The following NRG3 variants were observed in gnomAD, a reference collection of about 807,000 sequenced individuals.
NRG3 encodes neuregulin 3, also known as pro-neuregulin-3, membrane-bound isoform.
Under a neutral mutation model 66.9 loss-of-function variants are expected in NRG3, and 31 were observed. That is an observed-to-expected ratio of 0.46 (90% confidence interval 0.35 to 0.63). NRG3 has a LOEUF of 0.63. NRG3 is among the 20% of genes least tolerant of loss of function. The probability of loss-of-function intolerance (pLI) is 0.00; values close to 1 mark genes in which losing one functional copy is unlikely to be tolerated. For synonymous variants in NRG3, 393 were observed against 359.4 expected, an observed-to-expected ratio of 1.09 and a Z score of -1.06; for missense variants, 910 against 878.9, an observed-to-expected ratio of 1.04 and a Z score of -0.45.
In NRG3 at chr10:82,978,238, G is replaced by C. The variant is rs548072619; in HGVS notation, c.1413-712G>C. Among the ~76,000 whole-genome samples, 16 of 152,172 alleles carry C rather than the reference G, an allele frequency of 1.1e-4. No homozygotes were observed. In the South Asian group the frequency reaches 2.7e-3, roughly 26 times the overall value. ...TTCTTTTCTGTGCATAATCTATGTA[G>C]GAATTCTCAGTTTGTTAAGGCCTGT... On this transcript the variant is annotated intron_variant, in intron 7 of 8. Coordinates refer to ENST00000372141, the MANE Select transcript of NRG3 (RefSeq NM_001010848.4).
At chr10:81,881,523 G>A (rs911357551) in intron 1 of NRG3, among the ~76,000 whole-genome samples, 1 of 152,064 alleles carries the variant, frequency 6.6e-6, no homozygotes, top group Non-Finnish European at 1.5e-5. Flanking sequence ...CCACAACACA[G>A]TTGAGCAATT....
chr10:81,977,773 T>A (rs554024369), intron 1 of NRG3, among the ~76,000 whole-genome samples: 1 of 152,358 alleles, frequency 6.6e-6, no homozygotes, highest in South Asian at 2.1e-4. Context: ...AGTTTTTCCA[T>A]TTATACAATG....
intron 2 of NRG3, among the ~76,000 whole-genome samples, chr10:82,571,789 A>T (rs1276532662): frequency 3.3e-5 from 5 of 151,722 alleles, no homozygotes; most frequent in Non-Finnish European, 7.4e-5. Flanking sequence ...AAATATACAA[A>T]AAGCCCATGG....
chr10:82,250,645 T>C (rs2077441129), intron 1 of NRG3, among the ~76,000 whole-genome samples: 1 of 152,212 alleles, frequency 6.6e-6, no homozygotes, highest in South Asian at 2.1e-4. Flanking sequence ...TGACCCCTGC[T>C]TCCAGGAAGC....
At chr10:82,770,416 C>G (rs1295332480) in intron 3 of NRG3, among the ~76,000 whole-genome samples, 2 of 152,092 alleles carry the variant, frequency 1.3e-5, no homozygotes, top group African/African-American at 4.8e-5. Context: ...ACTCACAGCT[C>G]TATTCTTGGA....
chr10:82,307,270 T>C (rs988989808), intron 1 of NRG3, among the ~76,000 whole-genome samples: 1 of 152,172 alleles, frequency 6.6e-6, no homozygotes, highest in Non-Finnish European at 1.5e-5. Flanking sequence ...TCCATATTTT[T>C]AAGTCCTTTT....
chr10:81,886,951 GTTTAA>G (rs1842657780), intron 1 of NRG3, among the ~76,000 whole-genome samples: 1 of 152,020 alleles, frequency 6.6e-6, no homozygotes. Flanking sequence ...TAGGGATGCT[GTTTAA>G]TTTATTGTAC....
At chr10:82,457,361 T>A (rs920003553) in intron 2 of NRG3, among the ~76,000 whole-genome samples, 4 of 152,166 alleles carry the variant, frequency 2.6e-5, no homozygotes, top group Admixed American at 6.5e-5. Flanking sequence ...ACACATAGCC[T>A]AGATCCCTCA....
chr10:82,380,902 T>C (rs1444427693), intron 2 of NRG3, among the ~76,000 whole-genome samples: 1 of 152,114 alleles, frequency 6.6e-6, no homozygotes, highest in Non-Finnish European at 1.5e-5. Context: ...CAGATTTTCA[T>C]TAATAGTAGA....
intron 2 of NRG3, among the ~76,000 whole-genome samples, chr10:82,431,064 T>G (rs1302166139): frequency 2.0e-5 from 3 of 152,198 alleles, no homozygotes; most frequent in Admixed American, 2.0e-4. Context: ...TTAAGGGTTT[T>G]GGTGGCTTGC....
chr10:82,306,793 AG>A, intron 1 of NRG3, among the ~76,000 whole-genome samples: 1 of 150,114 alleles, frequency 6.7e-6, no homozygotes, highest in African/African-American at 2.4e-5. Flanking sequence ...TTGATGGGAC[AG>A]GGAAGGGTTC....
intron 2 of NRG3, among the ~76,000 whole-genome samples, chr10:82,717,936 A>G (rs1265141607): frequency 3.3e-5 from 5 of 151,898 alleles, no homozygotes; most frequent in Non-Finnish European, 7.4e-5. Flanking sequence ...AACAAGCCCA[A>G]ACTCAGTGTC....
At chr10:82,273,622 A>G (rs1420828157) in intron 1 of NRG3, among the ~76,000 whole-genome samples, 1 of 152,022 alleles carries the variant, frequency 6.6e-6, no homozygotes, top group Non-Finnish European at 1.5e-5. Flanking sequence ...TATAATATCC[A>G]TTTTAAAAAA....
chr10:82,052,243 C>T (rs1055523567), intron 1 of NRG3, among the ~76,000 whole-genome samples: 1 of 152,100 alleles, frequency 6.6e-6, no homozygotes, highest in Non-Finnish European at 1.5e-5. Context: ...CACATTTAGT[C>T]TTTCCTAAAA....
At chr10:82,579,124 T>C (rs1475980509) in intron 2 of NRG3, among the ~76,000 whole-genome samples, 1 of 151,784 alleles carries the variant, frequency 6.6e-6, no homozygotes, top group Non-Finnish European at 1.5e-5. Flanking sequence ...AGGGTAATTG[T>C]AGTGTGCAGT....
At chr10:81,895,866 G>A (rs1031537741) in intron 1 of NRG3, among the ~76,000 whole-genome samples, 7 of 152,122 alleles carry the variant, frequency 4.6e-5, no homozygotes, top group Non-Finnish European at 8.8e-5. Flanking sequence ...ATAAACCAAG[G>A]TGCTGCACAG....
chr10:82,213,682 A>G (rs1317582579), intron 1 of NRG3, among the ~76,000 whole-genome samples: 1 of 152,218 alleles, frequency 6.6e-6, no homozygotes, highest in African/African-American at 2.4e-5. Context: ...GTATCCCAGC[A>G]TTTTAAATAC....
chr10:81,985,213 A>T lies in NRG3; in HGVS notation c.823+109050A>T, dbSNP rs549466246. Among the ~76,000 whole-genome samples, 13 of 152,362 alleles carry T rather than the reference A, an allele frequency of 8.5e-5. No homozygotes were observed. In the South Asian group the frequency reaches 1.4e-3, roughly 17 times the overall value. On this transcript the variant is annotated intron_variant, in intron 1 of 8. Transcript: ENST00000372141. Reference sequence around the variant, plus strand: ...AAAGTTGTTATGGAGACTGAGCACAACATTAATACAACTAGGAAGGGATTT... The same window carrying T: ...AAAGTTGTTATGGAGACTGAGCACATCATTAATACAACTAGGAAGGGATTT...
At chr10:82,560,505 A>G (rs910031933) in intron 2 of NRG3, among the ~76,000 whole-genome samples, 24 of 151,028 alleles carry the variant, frequency 1.6e-4, no homozygotes, top group African/African-American at 5.8e-4. Context: ...CATATATCCA[A>G]CTACCTTAAG....
Sources: allele counts gnomAD v4.1 joint callset (sites outside exome capture counted in the v4.1 genomes callset), GRCh38; gene constraint gnomAD v4.1.1; transcripts MANE v1.5; gene names NCBI Gene and HGNC (gene_info 2026-07-23, HGNC 2026-07-21).